The following TNRC18 variants were observed in gnomAD, a reference collection of about 807,000 sequenced individuals.
TNRC18 encodes the protein trinucleotide repeat containing 18, also known as trinucleotide repeat-containing gene 18 protein.
In TNRC18, 69 loss-of-function variants were observed where a neutral mutation model predicts 226.7. That is an observed-to-expected ratio of 0.30 (90% CI 0.25 to 0.37). The LOEUF (loss-of-function observed/expected upper bound fraction) is 0.37. Among genes scored for constraint, TNRC18 ranks in the 10% least tolerant of loss-of-function variants. The pLI is 1.00. For synonymous variants in TNRC18, 2,449 were observed against 1,927.6 expected (o/e 1.27, Z -7.09); for missense variants, 4,754 against 4,256.6 (o/e 1.12, Z -3.25).
chr7:5,325,174 G>A lies in TNRC18; in HGVS notation c.6222C>T (p.Ala2074=), dbSNP rs758728090. ...TCAGGGAGCTGGCGTGAGGAGCCCT[G>A]GCCTCAGAGGGCAAGGCAGGAGCTC... The part of the protein sequence containing the change: ...PPRAPALPSE[A]RAPHASSLTA... Residue 2074 remains alanine (A), a synonymous_variant, in exon 20 of 30, where the codon GCC becomes GCT. Transcript: ENST00000430969. 11 of 1,553,496 alleles carry A rather than the reference G, an allele frequency of 7.1e-6. No individual in the cohort carries two copies. The highest frequency in any genetic ancestry group is 5.9e-5 in the Admixed American group (3 of 51,196).
intron 18 of TNRC18, 45 bp downstream of exon 18, chr7:5,345,517 G>GACCCCCCCCCCC: frequency 1.9e-5 from 7 of 377,744 alleles, no homozygotes; most frequent in South Asian, 8.8e-5. Context: ...AATGGCGTCC[G>GACCCCCCCCCCC]CCCCTCCCAC....
intron 16 of TNRC18, among the ~76,000 whole-genome samples, chr7:5,353,073 T>C (rs1791997744): frequency 6.6e-6 from 1 of 152,058 alleles, no homozygotes; most frequent in African/African-American, 2.4e-5. Context: ...CTCAGGATGG[T>C]CCGGCAACTC....
rs769396474 is a variant in TNRC18 at position 5,315,058 on chromosome 7, C to A, written c.6953G>T (p.Gly2318Val). Residue 2318 changes from glycine to valine, a missense_variant, in exon 26 of 30, where the codon GGC (glycine) becomes GTC (valine). Transcript: ENST00000430969. ...TCCTGGCTCCTCCGACCCAGCCGTG[C>A]CACCATCTTTGCCCTCCCCAGTGTC... Reference protein sequence around the residue: ...SKDTGEGKDGGTAGSEEPGAK... With the variant: ...SKDTGEGKDGVTAGSEEPGAK... 1.2e-6 allele frequency: 2 copies of A among 1,611,152 alleles called. No homozygotes were observed. The highest frequency in any genetic ancestry group is 8.5e-7 in the Non-Finnish European group (1 of 1,179,068).
chr7:5,414,053 TCTC>T (rs1281639064), intron 2 of TNRC18, among the ~76,000 whole-genome samples: 4 of 150,498 alleles, frequency 2.7e-5, no homozygotes, highest in Non-Finnish European at 5.9e-5. Flanking sequence ...TTCAAGTGAT[TCTC>T]CTGCCTCAGC....
chr7:5,355,484 G>T (rs760343327), intron 16 of TNRC18, among the ~76,000 whole-genome samples: 24 of 152,204 alleles, frequency 1.6e-4, no homozygotes, highest in Non-Finnish European at 3.4e-4. Flanking sequence ...AATAGTAGTA[G>T]TGTGCGCCTA....
In TNRC18 at chr7:5,377,944, G is replaced by C; in HGVS notation, c.2233C>G (p.Arg745Gly). The change falls in exon 6 of 30, where the codon CGG (arginine) becomes GGG (glycine). Residue 745 changes from arginine (R) to glycine (G), a missense_variant. Arg to Gly is a moderately radical substitution (Grantham distance 125, BLOSUM62 -2). Transcript: ENST00000430969. This position sits in a 1 kb window ranked among gnomAD's most constrained non-coding sequence, Gnocchi z 5.8. ...EERLLGARLD[R>G]DQEKLLRESK... is the part of the protein sequence containing the mutation. ...CACCTGAGCAGCTTCTCCTGATCCC[G>C]GTCCAGCCGTGCCCCGAGCAGCCGT... 1.9e-6 allele frequency: 3 copies of C among 1,613,306 alleles called. No individual in the cohort carries two copies. The highest frequency in any genetic ancestry group is 1.7e-5 in the Admixed American group (1 of 59,958).
intron 2 of TNRC18, chr7:5,407,526 A>C (rs1343217593): frequency 2.0e-5 from 3 of 152,038 alleles, no homozygotes; most frequent in African/African-American, 4.8e-5. Flanking sequence ...GTTACTCCCC[A>C]CCTGGGATCA....
chr7:5,406,812 C>T (rs1452063865), intron 2 of TNRC18, among the ~76,000 whole-genome samples: 1 of 148,464 alleles, frequency 6.7e-6, no homozygotes, highest in Admixed American at 6.8e-5. Flanking sequence ...GATTGTACCA[C>T]GGCACTCCAG....
At chr7:5,319,068 A>C (rs558775404) in intron 24 of TNRC18, among the ~76,000 whole-genome samples, 2 of 152,358 alleles carry the variant, frequency 1.3e-5, no homozygotes, top group East Asian at 3.9e-4. Context: ...GCAGGCCTAG[A>C]ACACAGCCAG....
intron 26 of TNRC18, among the ~76,000 whole-genome samples, 156 bp from the exon 27 acceptor site, chr7:5,314,019 G>A (rs1402508750): frequency 6.6e-6 from 1 of 151,860 alleles, no homozygotes; most frequent in East Asian, 1.9e-4. Flanking sequence ...ATGCAGTGGC[G>A]TCATCAGGGC....
Position 5,320,409 on chromosome 7 carries a change from T to C in TNRC18, c.6654A>G (p.Pro2218=). The change falls in exon 24 of 30, where the codon CCA becomes CCG. Residue 2218 remains proline, a synonymous_variant. Coordinates refer to ENST00000430969, the MANE Select transcript of TNRC18 (RefSeq NM_001080495.3). ...CTTGTGGCAAGAAGCGAGTGGAGGC[T>C]GGCCTCACATCGATGATCTAGAAGG... ...LLQEAIIDVR[P]ASTRFLPQGT... 1 of 1,562,084 alleles carries C rather than the reference T, an allele frequency of 6.4e-7. No homozygotes were observed. The highest frequency in any genetic ancestry group is 1.7e-4 in the Middle Eastern group (1 of 5,942).
In TNRC18 at chr7:5,376,160, G is replaced by A. The variant is rs865905831; in HGVS notation, c.2673C>T (p.Ser891=). 2.5e-6 allele frequency: 4 copies of A among 1,579,224 alleles called. No individual in the cohort carries two copies. The highest frequency in any genetic ancestry group is 3.4e-6 in the Non-Finnish European group (4 of 1,163,944). Reference sequence around the variant, plus strand: ...GCAGCTGCTGGGCGTGGTGCAGGGGGCTGCGGCCCGGCGGGTACAGGGCGG... The same window carrying A: ...GCAGCTGCTGGGCGTGGTGCAGGGGACTGCGGCCCGGCGGGTACAGGGCGG... The part of the protein sequence containing the change: ...LWPALYPPGR[S]PLHHAQQLQL... Residue 891 remains serine, a synonymous_variant, in exon 9 of 30, where the codon AGC becomes AGT. Transcript: ENST00000430969.
intron 11 of TNRC18, among the ~76,000 whole-genome samples, chr7:5,370,150 T>C (rs1476319791): frequency 6.6e-6 from 1 of 151,482 alleles, no homozygotes; most frequent in Admixed American, 6.6e-5. Flanking sequence ...ACCCCATCTC[T>C]AAAAAAAAGA....
At chr7:5,325,047 G>T (rs1422047290) in intron 20 of TNRC18, 49 bp downstream of exon 20, 1 of 1,542,874 alleles carries the variant, frequency 6.5e-7, no homozygotes. Context: ...GACCACAGGA[G>T]CATGGCTGAG....
At chr7:5,352,579 A>C (rs1311366069) in intron 16 of TNRC18, among the ~76,000 whole-genome samples, 5 of 152,260 alleles carry the variant, frequency 3.3e-5, no homozygotes, top group Non-Finnish European at 5.9e-5. Context: ...TGGCAGCACG[A>C]AACAGGCCAC....
intron 4 of TNRC18, 70 bp from the exon 5 acceptor site, chr7:5,389,406 G>A (rs1780106831): frequency 4.9e-6 from 6 of 1,216,110 alleles, no homozygotes; most frequent in Non-Finnish European, 5.1e-6. Context: ...GGGCGGAGGC[G>A]GACCCCTGAG....
At chr7:5,326,497 T>C (rs1380841099) in intron 19 of TNRC18, among the ~76,000 whole-genome samples, 2 of 152,040 alleles carry the variant, frequency 1.3e-5, no homozygotes, top group African/African-American at 4.8e-5. Flanking sequence ...CAGGCTGGAG[T>C]GCCATGGCAC....
rs1781294817 is a variant in TNRC18 at position 5,404,043 on chromosome 7, ACT to A, written c.188-9450_188-9449del. 3.9e-5 allele frequency among the ~76,000 whole-genome samples: 6 copies of A among 152,146 alleles called. No homozygotes were observed. In the South Asian group the frequency reaches 1.2e-3, roughly 32 times the overall value. ...TATCTAAGCCAAAGAATGGGTTAAC[ACT>A]CTGGCTATATAAAGATTCTCAGAAT... is the stretch of plus-strand genomic sequence containing the variant. On this transcript the variant is annotated intron_variant, in intron 2 of 29. Transcript: ENST00000430969.
Position 5,374,229 on chromosome 7 carries a change from G to A in TNRC18, c.3055C>T (p.Pro1019Ser), listed in dbSNP as rs1794421610. ...GGGGTGGCGGGGTAGGCGTAGGCGG[G>A]TGGCTTGGACACGTCCTCCAGCTTC... ...IQKLEDVSKP[P>S]AYAYPATPSS... The change falls in exon 10 of 30, where the codon CCC becomes TCC. Residue 1019 changes from proline to serine, a missense_variant. By Grantham distance (74) the Pro-to-Ser change is moderately conservative (BLOSUM62 -1). Coordinates refer to ENST00000430969, the MANE Select transcript of TNRC18 (RefSeq NM_001080495.3). 1 of 1,496,804 alleles carries A rather than the reference G, an allele frequency of 6.7e-7. No homozygotes were observed. Among genetic ancestry groups the A allele is most frequent in the East Asian group, 2.6e-5 (1 of 38,286 alleles). The allele number at this position is 1,496,804 out of a possible 1,614,324, so 92.7% of individuals were successfully genotyped here.
Sources: allele counts gnomAD v4.1 joint callset (sites outside exome capture counted in the v4.1 genomes callset), GRCh38; gene constraint gnomAD v4.1.1; non-coding constraint Gnocchi (gnomAD v3.1); transcripts MANE v1.5; gene names NCBI Gene and HGNC (gene_info 2026-07-23, HGNC 2026-07-21).